The following ARMH4 variants were observed in gnomAD, a reference collection of about 807,000 sequenced individuals.
ARMH4 encodes the protein armadillo like helical domain containing 4, also known as armadillo-like helical domain-containing protein 4.
Under a neutral mutation model 61.9 loss-of-function variants are expected in ARMH4, and 49 were observed. The observed-to-expected ratio is 0.79, with a 90% CI of 0.63 to 1.00. The LOEUF (loss-of-function observed/expected upper bound fraction) is 1.00. Ranked by LOEUF, ARMH4 falls within the 50% of genes least tolerant of loss-of-function variation. The probability of loss-of-function intolerance (pLI) is 0.00; values close to 1 mark genes in which losing one functional copy is unlikely to be tolerated. For synonymous variants in ARMH4, 368 were observed against 341.5 expected (o/e 1.08, Z -0.85); for missense variants, 934 against 930.0 (o/e 1.00, Z -0.06).
chr14:58,151,044 C>T (rs1887902949), intron 1 of ARMH4, among the ~76,000 whole-genome samples: 1 of 152,172 alleles, frequency 6.6e-6, no homozygotes, highest in African/African-American at 2.4e-5. Context: ...GAGAAGAGAT[C>T]CTTCAGAACC....
chr14:58,063,101 C>G (rs1485986287), intron 5 of ARMH4, among the ~76,000 whole-genome samples: 2 of 152,130 alleles, frequency 1.3e-5, no homozygotes, highest in African/African-American at 4.8e-5. Flanking sequence ...CCTTCCTTGT[C>G]TCTTCCTGGC....
chr14:58,127,263 T>C (rs896202163), intron 4 of ARMH4, among the ~76,000 whole-genome samples: 1 of 152,190 alleles, frequency 6.6e-6, no homozygotes, highest in Admixed American at 6.5e-5. Flanking sequence ...ATAATCCCCA[T>C]GTGCCATGGG....
chr14:58,062,709 A>C (rs2141216008), intron 5 of ARMH4, among the ~76,000 whole-genome samples: 1 of 152,342 alleles, frequency 6.6e-6, no homozygotes, highest in Middle Eastern at 3.4e-3. Context: ...GAGAAACATA[A>C]ACTAAGTCTC....
intron 5 of ARMH4, among the ~76,000 whole-genome samples, chr14:58,039,907 G>A (rs1343499585): frequency 6.6e-6 from 1 of 152,054 alleles, no homozygotes; most frequent in East Asian, 1.9e-4. Flanking sequence ...TAGGAAAGTG[G>A]GACAAAGACT....
intron 4 of ARMH4, among the ~76,000 whole-genome samples, chr14:58,125,439 G>A (rs1886867674): frequency 6.6e-6 from 1 of 152,136 alleles, no homozygotes; most frequent in African/African-American, 2.4e-5. Context: ...ACTGGACCAG[G>A]CCTTTTCAAA....
chr14:58,131,226 CTT>C (rs1887083010), intron 4 of ARMH4: 1 of 342,616 alleles, frequency 2.9e-6, no homozygotes, highest in Non-Finnish European at 5.4e-6. Context: ...TCCAATATAG[CTT>C]TATTTATGAA....
At chr14:58,082,836 C>T (rs1046645452) in intron 5 of ARMH4, among the ~76,000 whole-genome samples, 1 of 152,146 alleles carries the variant, frequency 6.6e-6, no homozygotes, top group Non-Finnish European at 1.5e-5. Flanking sequence ...TTCACCAAGC[C>T]AGGCTGCTTC....
intron 6 of ARMH4, among the ~76,000 whole-genome samples, chr14:58,009,281 A>G (rs1470965262): frequency 6.6e-6 from 1 of 152,162 alleles, no homozygotes; most frequent in African/African-American, 2.4e-5. Context: ...CCCCTTTAAG[A>G]ATGACAGTGC....
chr14:58,114,981 T>C lies in ARMH4; in HGVS notation c.1831+16531A>G, dbSNP rs150564637. Among the ~76,000 whole-genome samples, 1,394 of 152,188 alleles carry C rather than the reference T, an allele frequency of 9.2e-3. 26 individuals carry two copies. Among genetic ancestry groups the C allele is most frequent in the African/African-American group, 0.032 (1,326 of 41,536 alleles). Reference sequence around the variant, plus strand: ...GACTTAAATGTAAGACATAAAACTATAAAAATCCTAGAAGAAAATCTAGAA... The same window carrying C: ...GACTTAAATGTAAGACATAAAACTACAAAAATCCTAGAAGAAAATCTAGAA... On this transcript the variant is annotated intron_variant, in intron 4 of 7. Coordinates refer to ENST00000267485, the MANE Select transcript of ARMH4 (RefSeq NM_001001872.4).
chr14:58,042,921 C>A (rs2141185714), intron 5 of ARMH4, among the ~76,000 whole-genome samples: 1 of 151,612 alleles, frequency 6.6e-6, no homozygotes, highest in African/African-American at 2.4e-5. Flanking sequence ...TGAATAGAGA[C>A]AACTTCTCTA....
chr14:58,084,563 C>T (rs766401674), intron 5 of ARMH4, among the ~76,000 whole-genome samples: 1 of 152,174 alleles, frequency 6.6e-6, no homozygotes, highest in Non-Finnish European at 1.5e-5. Flanking sequence ...GTATTTACCC[C>T]CAAGGATTCA....
At chr14:58,105,264 T>A (rs1886133618) in intron 4 of ARMH4, among the ~76,000 whole-genome samples, 1 of 152,228 alleles carries the variant, frequency 6.6e-6, no homozygotes, top group Non-Finnish European at 1.5e-5. Context: ...TGCAATTTGT[T>A]TAAATAAACC....
At chr14:58,088,148 T>C (rs1297836255) in intron 5 of ARMH4, among the ~76,000 whole-genome samples, 1 of 152,194 alleles carries the variant, frequency 6.6e-6, no homozygotes, top group African/African-American at 2.4e-5. Context: ...TACAGCAGGA[T>C]ATAAATACAT....
chr14:58,070,013 G>A (rs1484566770), intron 5 of ARMH4, among the ~76,000 whole-genome samples: 1 of 152,194 alleles, frequency 6.6e-6, no homozygotes, highest in Non-Finnish European at 1.5e-5. Flanking sequence ...GGCAAGACAT[G>A]ATGCTGGCTG....
At chr14:58,129,052 C>T (rs1886996386) in intron 4 of ARMH4, among the ~76,000 whole-genome samples, 1 of 152,194 alleles carries the variant, frequency 6.6e-6, no homozygotes, top group Non-Finnish European at 1.5e-5. Flanking sequence ...CAAGCCCTGC[C>T]TATACCTTGA....
At chr14:58,135,703 G>C (rs1887279566) in intron 2 of ARMH4, among the ~76,000 whole-genome samples, 1 of 151,800 alleles carries the variant, frequency 6.6e-6, no homozygotes, top group South Asian at 2.1e-4. Context: ...TGACTCAAAG[G>C]ACTGACTATC....
At chr14:58,029,479 C>T (rs1469231626) in intron 5 of ARMH4, among the ~76,000 whole-genome samples, 1 of 152,142 alleles carries the variant, frequency 6.6e-6, no homozygotes, top group Non-Finnish European at 1.5e-5. Flanking sequence ...GGTGATCCGC[C>T]TACCTCGGCC....
At chr14:58,101,277 A>T (rs1232462110) in intron 4 of ARMH4, 1 of 152,602 alleles carries the variant, frequency 6.6e-6, no homozygotes, top group East Asian at 1.9e-4. Context: ...TCTGTCACAA[A>T]TTGGGCATGG....
rs949676869 is a variant in ARMH4, at chr14:58,003,998, C to T, written c.*738G>A. 2.0e-5 allele frequency: 3 copies of T among 152,160 alleles called. No individual in the cohort carries two copies. The highest frequency in any genetic ancestry group is 6.5e-5 in the Admixed American group (1 of 15,280). 9.4% of individuals were successfully genotyped at this position (152,160 alleles called of 1,614,324 possible). A position where few individuals can be genotyped will look rare whatever the true frequency, so the allele number is the denominator to read the frequency against. ...ATCTCTTAATCATAAACATGTATGA[C>T]ATGTATGATTGAGTCTGTTGGACTC... On this transcript the variant is annotated 3_prime_UTR_variant, in exon 8 of 8. Transcript: ENST00000267485.
Sources: gnomAD v4.1 joint callset for allele counts (sites outside exome capture counted in the v4.1 genomes callset) on GRCh38, gnomAD v4.1.1 for gene constraint, MANE v1.5 for transcripts, NCBI Gene and HGNC (gene_info 2026-07-23, HGNC 2026-07-21) for gene names.